Variants in PPP6R3 observed in about 807,000 individuals in gnomAD.
PPP6R3 encodes the protein serine/threonine-protein phosphatase 6 regulatory subunit 3.
A neutral mutation model predicts 110.7 loss-of-function variants in PPP6R3; 38 were observed. The ratio of observed to expected loss-of-function variants is 0.34; its 90% confidence interval spans 0.26 to 0.45. The LOEUF (loss-of-function observed/expected upper bound fraction) is 0.45. Among genes scored for constraint, PPP6R3 ranks in the 20% least tolerant of loss-of-function variants. The pLI is 1.00. For synonymous variants in PPP6R3, 369 were observed against 373.5 expected (o/e 0.99, Z 0.14); for missense variants, 870 against 1,062.4 (o/e 0.82, Z 2.52).
chr11:68,573,177 G>A (rs2099517221), intron 12 of PPP6R3, among the ~76,000 whole-genome samples: 2 of 93,326 alleles, frequency 2.1e-5, no homozygotes, highest in East Asian at 7.1e-4. Context: ...TTGAGACGGA[G>A]TCTTATTTTG....
rs189295471 is a variant in PPP6R3, at chr11:68,498,943, C to T, written c.-157-20558C>T. On this transcript the variant is annotated intron_variant, in intron 1 of 23. Transcript: ENST00000393800. ...CCATCAGCAGTGTGTGAAAGTTCCA[C>T]TTACTCTGGATCCTCTCCAGTATTT... Among the ~76,000 whole-genome samples the T allele has an allele frequency of 1.4e-4, 21 of 152,300 alleles. No individual in the cohort carries two copies. In the East Asian group the frequency reaches 2.1e-3, roughly 15 times the overall value.
chr11:68,594,313 AG>A (rs1566083464), intron 18 of PPP6R3, among the ~76,000 whole-genome samples: 7 of 148,150 alleles, frequency 4.7e-5, no homozygotes. Flanking sequence ...AGAGAGAGAG[AG>A]AGAGAAAAAG....
intron 2 of PPP6R3, among the ~76,000 whole-genome samples, chr11:68,521,154 A>G (rs1343020950): frequency 1.3e-5 from 2 of 152,030 alleles, no homozygotes; most frequent in Non-Finnish European, 2.9e-5. Flanking sequence ...TTGTCAAACC[A>G]CCTTGGATTG....
intron 6 of PPP6R3, among the ~76,000 whole-genome samples, chr11:68,553,870 T>C (rs2099389917): frequency 6.6e-6 from 1 of 152,202 alleles, no homozygotes; most frequent in Non-Finnish European, 1.5e-5. Flanking sequence ...TCAATCTGTA[T>C]TTTTTCCCAA....
intron 18 of PPP6R3, 31 bp from the exon 19 acceptor site, chr11:68,596,066 T>C (rs2099613096): frequency 6.2e-7 from 1 of 1,613,840 alleles, no homozygotes; most frequent in Non-Finnish European, 8.5e-7. Context: ...TGATAAGCAG[T>C]GTTAAATACT....
intron 3 of PPP6R3, among the ~76,000 whole-genome samples, chr11:68,542,246 G>A (rs1454573140): frequency 6.6e-6 from 1 of 151,868 alleles, no homozygotes; most frequent in Non-Finnish European, 1.5e-5. Context: ...CCCAGCTGTA[G>A]GTGGGGATGT....
At chr11:68,478,170 G>C (rs965058461) in intron 1 of PPP6R3, among the ~76,000 whole-genome samples, 7 of 151,672 alleles carry the variant, frequency 4.6e-5, no homozygotes, top group Non-Finnish European at 7.4e-5. Flanking sequence ...GGCTGGTCTC[G>C]AACTCCTGAT....
In PPP6R3 at chr11:68,519,570, A is replaced by T. The variant is rs546597855; in HGVS notation, c.-88A>T. ...TGCTAATGCAGTAAATTGGAGGAAA[A>T]CTGTTACCAGGATAACCTGTAATGG... On this transcript the variant is annotated 5_prime_UTR_variant, in exon 2 of 24. Transcript: ENST00000393800. 6 of 398,586 alleles carry T rather than the reference A, an allele frequency of 1.5e-5. No individual in the cohort carries two copies. The South Asian group carries it at 6.4e-4, about 42-fold the overall frequency. The allele number at this position is 398,586 out of a possible 1,614,324, so 24.7% of individuals were successfully genotyped here.
At chr11:68,605,765 A>G (rs1939361095) in intron 22 of PPP6R3, among the ~76,000 whole-genome samples, 1 of 152,232 alleles carries the variant, frequency 6.6e-6, no homozygotes, top group Non-Finnish European at 1.5e-5. Context: ...TTTTAAATGG[A>G]CAAAGGATGC....
intron 18 of PPP6R3, 130 bp from the exon 19 acceptor site, chr11:68,595,967 G>C: frequency 8.6e-7 from 1 of 1,162,168 alleles, no homozygotes; most frequent in East Asian, 2.5e-5. Flanking sequence ...CTGACCACGT[G>C]GTGCTCAGAC....
chr11:68,494,370 A>G (rs2099002991), intron 1 of PPP6R3, among the ~76,000 whole-genome samples: 1 of 150,176 alleles, frequency 6.7e-6, no homozygotes, highest in Non-Finnish European at 1.5e-5. Flanking sequence ...CTAAAAATAC[A>G]AAAATTAGCT....
At chr11:68,555,693 G>A (rs2099396646) in intron 7 of PPP6R3, among the ~76,000 whole-genome samples, 1 of 152,228 alleles carries the variant, frequency 6.6e-6, no homozygotes, top group Admixed American at 6.5e-5. Context: ...TATATTTCAA[G>A]CTGTGTTTTA....
intron 1 of PPP6R3, among the ~76,000 whole-genome samples, chr11:68,481,004 A>G (rs971790381): frequency 3.9e-5 from 6 of 152,316 alleles, no homozygotes; most frequent in Admixed American, 3.3e-4. Flanking sequence ...GACTCCAGCC[A>G]AGTACAGAAC....
intron 1 of PPP6R3, among the ~76,000 whole-genome samples, chr11:68,501,068 T>C (rs1414328914): frequency 6.6e-6 from 1 of 152,186 alleles, no homozygotes; most frequent in Non-Finnish European, 1.5e-5. Context: ...GATTTTGCTG[T>C]TGTTAGTTTT....
At chr11:68,463,071 A>G (rs886348581) in intron 1 of PPP6R3, among the ~76,000 whole-genome samples, 5 of 152,200 alleles carry the variant, frequency 3.3e-5, no homozygotes, top group Non-Finnish European at 7.3e-5. Flanking sequence ...GAGGTTGCCT[A>G]GCTTTTTAAG....
intron 11 of PPP6R3, 76 bp from the exon 12 acceptor site, chr11:68,570,964 A>T: frequency 6.6e-7 from 1 of 1,508,728 alleles, no homozygotes; most frequent in Non-Finnish European, 8.9e-7. Context: ...TATTCTCTTT[A>T]ACCTAGAGTT....
At chr11:68,596,007 C>T in intron 18 of PPP6R3, 90 bp from the exon 19 acceptor site, 1 of 1,515,744 alleles carries the variant, frequency 6.6e-7, no homozygotes, top group Non-Finnish European at 9.1e-7. Flanking sequence ...CACCACAGGA[C>T]CTTTTGTTGC....
At chr11:68,478,631 T>G (rs2098858829) in intron 1 of PPP6R3, among the ~76,000 whole-genome samples, 1 of 143,452 alleles carries the variant, frequency 7.0e-6, no homozygotes, top group Non-Finnish European at 1.5e-5. Flanking sequence ...AACTGATGAG[T>G]TAGTGCACTT....
At position 68,569,935 on chromosome 11, in the gene PPP6R3, C is replaced by T. The variant is rs55748366; in HGVS notation, c.1278+38C>T. On this transcript the variant is annotated intron_variant, in intron 11 of 23. Coordinates refer to ENST00000393800, the MANE Select transcript of PPP6R3 (RefSeq NM_001164161.2). Reference sequence around the variant, plus strand: ...GGTCTCGTTTTTCTCCCACTCTCTCCTGGTTATAGCAGTTTTCCACTTGAC... The same window carrying T: ...GGTCTCGTTTTTCTCCCACTCTCTCTTGGTTATAGCAGTTTTCCACTTGAC... 5.6e-3 allele frequency: 8,753 copies of T among 1,557,468 alleles called. 435 individuals carry two copies. The African/African-American group carries it at 0.1, about 19-fold the overall frequency.
Sources: allele counts gnomAD v4.1 joint callset (sites outside exome capture counted in the v4.1 genomes callset), GRCh38; gene constraint gnomAD v4.1.1; transcripts MANE v1.5; gene names NCBI Gene and HGNC (gene_info 2026-07-23, HGNC 2026-07-21).